RGS6: variants seen among roughly 807,000 people sequenced by gnomAD.
The protein encoded by RGS6 is regulator of G-protein signaling 6.
A neutral mutation model predicts 78.5 loss-of-function variants in RGS6; 30 were observed. The ratio of observed to expected loss-of-function variants is 0.38; its 90% CI spans 0.29 to 0.52. The LOEUF is 0.52. Ranked by LOEUF, RGS6 falls within the 20% of genes least tolerant of loss-of-function variation. The pLI is 0.85. For synonymous variants in RGS6, 206 were observed against 206.0 expected (o/e 1.00, Z 0.00); for missense variants, 495 against 609.7 (o/e 0.81, Z 1.98).
At chr14:72,395,794 T>C (rs989956672) in intron 3 of RGS6, among the ~76,000 whole-genome samples, 4 of 152,072 alleles carry the variant, frequency 2.6e-5, no homozygotes, top group African/African-American at 9.7e-5. Flanking sequence ...TTGGTTTTTT[T>C]CCCTTGCGAT....
chr14:72,268,014 T>C (rs2059339875), intron 2 of RGS6, among the ~76,000 whole-genome samples: 1 of 152,242 alleles, frequency 6.6e-6, no homozygotes, highest in Admixed American at 6.5e-5. Flanking sequence ...GAAGATGTAC[T>C]GGAAGGATCT....
intron 2 of RGS6, among the ~76,000 whole-genome samples, chr14:72,349,176 T>C (rs745428597): frequency 2.0e-5 from 3 of 152,102 alleles, no homozygotes; most frequent in Non-Finnish European, 2.9e-5. Flanking sequence ...AAAAAATATA[T>C]ATAAAATAAA....
At chr14:72,185,872 G>A (rs2097236737) in intron 2 of RGS6, among the ~76,000 whole-genome samples, 1 of 152,256 alleles carries the variant, frequency 6.6e-6, no homozygotes, top group African/African-American at 2.4e-5. Context: ...TTGAGCTTGA[G>A]TCAAGGCCGC....
At chr14:72,334,307 G>GC (rs887181078) in intron 2 of RGS6, among the ~76,000 whole-genome samples, 2 of 152,240 alleles carry the variant, frequency 1.3e-5, no homozygotes, top group Admixed American at 1.3e-4. Flanking sequence ...GCCAAGCACA[G>GC]CCCCTCCTAG....
chr14:72,574,893 C>T, the RGS6 span, among the ~76,000 whole-genome samples: 1 of 152,112 alleles, frequency 6.6e-6, no homozygotes, highest in Admixed American at 6.5e-5. Context: ...ATGGCGCAAA[C>T]CAGGTTAGGG....
chr14:72,171,481 G>T (rs1259562035), intron 2 of RGS6, among the ~76,000 whole-genome samples: 1 of 152,158 alleles, frequency 6.6e-6, no homozygotes, highest in African/African-American at 2.4e-5. Context: ...TGCCCTCAAG[G>T]CGTTGAAAAC....
chr14:72,307,126 A>G (rs2067418603), intron 2 of RGS6, among the ~76,000 whole-genome samples: 1 of 152,212 alleles, frequency 6.6e-6, no homozygotes, highest in Non-Finnish European at 1.5e-5. Flanking sequence ...CCCACCAGCA[A>G]AAAGATTACA....
At chr14:72,321,778 A>G (rs1009293061) in intron 2 of RGS6, among the ~76,000 whole-genome samples, 1 of 152,026 alleles carries the variant, frequency 6.6e-6, no homozygotes, top group Non-Finnish European at 1.5e-5. Flanking sequence ...GACCCAAAAG[A>G]TGACATAGAT....
At chr14:72,190,162 G>T (rs368051241) in intron 2 of RGS6, among the ~76,000 whole-genome samples, 2 of 152,138 alleles carry the variant, frequency 1.3e-5, no homozygotes, top group South Asian at 4.2e-4. Flanking sequence ...GGCTACCCGG[G>T]CCTTGCAGCT....
intron 2 of RGS6, among the ~76,000 whole-genome samples, chr14:72,177,497 A>T (rs1456829244): frequency 1.3e-5 from 2 of 152,298 alleles, no homozygotes; most frequent in Non-Finnish European, 2.9e-5. Flanking sequence ...ATTAAGAATA[A>T]CTTTTTACTA....
At chr14:72,440,993 G>A (rs2095174020) in intron 3 of RGS6, among the ~76,000 whole-genome samples, 1 of 152,152 alleles carries the variant, frequency 6.6e-6, no homozygotes, top group African/African-American at 2.4e-5. Flanking sequence ...GTGCAGGTGG[G>A]TATGAGTTAG....
In RGS6 at chr14:72,396,088, G is replaced by C. The variant is rs553067216; in HGVS notation, c.184+43894G>C. On this transcript the variant is annotated intron_variant, in intron 3 of 17. Coordinates refer to ENST00000553525, the MANE Select transcript of RGS6 (RefSeq NM_001204424.2). ...GGGTCAAATGATATTTCCAGTTCTA[G>C]ATCCCTGAGGAATCGCCACACCAAC... 1.4e-4 allele frequency among the ~76,000 whole-genome samples: 22 copies of C among 152,264 alleles called. No individual in the cohort carries two copies. In the South Asian group the frequency reaches 4.6e-3, roughly 32 times the overall value.
At chr14:72,270,104 T>A (rs2059711114) in intron 2 of RGS6, among the ~76,000 whole-genome samples, 1 of 152,198 alleles carries the variant, frequency 6.6e-6, no homozygotes, top group Admixed American at 6.5e-5. Context: ...CTAGAGAGGC[T>A]TCCTGGAGGA....
intron 1 of RGS6, among the ~76,000 whole-genome samples, chr14:71,938,092 C>T (rs1200456990): frequency 6.6e-6 from 1 of 152,192 alleles, no homozygotes; most frequent in East Asian, 1.9e-4. Context: ...GTGGTGTCCA[C>T]AGAACAGGTC....
intron 1 of RGS6, among the ~76,000 whole-genome samples, chr14:71,936,102 AT>A (rs1423637523): frequency 6.7e-6 from 1 of 148,490 alleles, no homozygotes; most frequent in African/African-American, 2.5e-5. Context: ...ATATATACAT[AT>A]GATATATGTA....
intron 2 of RGS6, among the ~76,000 whole-genome samples, chr14:72,246,593 G>A (rs1028778527): frequency 7.9e-5 from 12 of 151,870 alleles, no homozygotes; most frequent in African/African-American, 2.4e-4. Context: ...TTATTTTTTG[G>A]CTTTTATTAC....
intron 2 of RGS6, among the ~76,000 whole-genome samples, chr14:72,219,150 T>C (rs1599742061): frequency 6.6e-6 from 1 of 151,908 alleles, no homozygotes; most frequent in East Asian, 2.0e-4. Flanking sequence ...CTAATTTACA[T>C]TATGAGGGTG....
chr14:72,295,829 G>C (rs2064698190), intron 2 of RGS6, among the ~76,000 whole-genome samples: 3 of 152,230 alleles, frequency 2.0e-5, no homozygotes, highest in Admixed American at 6.5e-5. Context: ...CACATCAGCT[G>C]TGCATTTAAA....
chr14:72,038,194 T>C (rs914501847), intron 2 of RGS6, among the ~76,000 whole-genome samples: 2 of 152,160 alleles, frequency 1.3e-5, no homozygotes, highest in Admixed American at 6.6e-5. Flanking sequence ...TGTCTTGAAC[T>C]CCTGGCCTCA....
Sources: allele counts gnomAD v4.1 joint callset (sites outside exome capture counted in the v4.1 genomes callset), GRCh38; gene constraint gnomAD v4.1.1; transcripts MANE v1.5; gene names NCBI Gene and HGNC (gene_info 2026-07-23, HGNC 2026-07-21).